The following SYNE3 variants were observed in gnomAD, a reference collection of about 807,000 sequenced individuals.
SYNE3 encodes nesprin-3.
In SYNE3, 100 loss-of-function variants were observed where a neutral mutation model predicts 111.2. The observed-to-expected ratio is 0.90, with a 90% CI of 0.77 to 1.06. The LOEUF is 1.06. Among genes scored for constraint, SYNE3 ranks in the 50% least tolerant of loss-of-function variants. The pLI is 0.00. For synonymous variants in SYNE3, 547 were observed against 533.9 expected (o/e 1.02, Z -0.34); for missense variants, 1,160 against 1,240.3 (o/e 0.94, Z 0.97).
At chr14:95,427,900 A>C (rs1025723411) in intron 17 of SYNE3, among the ~76,000 whole-genome samples, 4 of 152,190 alleles carry the variant, frequency 2.6e-5, no homozygotes, top group African/African-American at 9.7e-5. Flanking sequence ...GTTCCCTACA[A>C]ATTTTGAGAG....
intron 1 of SYNE3, among the ~76,000 whole-genome samples, chr14:95,497,857 A>G (rs534837512): frequency 2.4e-4 from 37 of 152,160 alleles, no homozygotes; most frequent in Non-Finnish European, 4.7e-4. Flanking sequence ...AAACTGTCAA[A>G]AAAAGATGAA....
chr14:95,491,744 A>C (rs1889860425), intron 1 of SYNE3, among the ~76,000 whole-genome samples: 2 of 150,848 alleles, frequency 1.3e-5, no homozygotes, highest in African/African-American at 2.5e-5. Context: ...ATCAAAATTA[A>C]AACTTTTGTA....
At chr14:95,444,101 A>G (rs1310480630) in intron 10 of SYNE3, 5 of 266,280 alleles carry the variant, frequency 1.9e-5, no homozygotes, top group Non-Finnish European at 3.5e-5. Context: ...AACAATGATC[A>G]ACGGTCAGCC....
chr14:95,429,547 T>C (rs560750697), intron 17 of SYNE3, among the ~76,000 whole-genome samples: 1 of 152,330 alleles, frequency 6.6e-6, no homozygotes, highest in East Asian at 1.9e-4. Context: ...GTCCTATAAA[T>C]GAGCCACAGA....
At chr14:95,476,349 C>T (rs1888890104) in intron 1 of SYNE3, among the ~76,000 whole-genome samples, 1 of 152,214 alleles carries the variant, frequency 6.6e-6, no homozygotes, top group African/African-American at 2.4e-5. Flanking sequence ...TCATGCCATC[C>T]CCACCACTCC....
At chr14:95,443,945 G>C (rs565439068) in intron 10 of SYNE3, 1 of 153,474 alleles carries the variant, frequency 6.5e-6, no homozygotes, top group Non-Finnish European at 1.5e-5. Flanking sequence ...TTACAGGCGT[G>C]AGCCACCGCT....
chr14:95,432,038 C>A, intron 17 of SYNE3, 41 bp downstream of exon 17: 1 of 1,602,328 alleles, frequency 6.2e-7, no homozygotes, highest in Non-Finnish European at 8.5e-7. Flanking sequence ...CTCCAGGCAC[C>A]CTGCCTGCTA....
At chr14:95,444,315 G>T in intron 10 of SYNE3, 170 bp downstream of exon 10, 1 of 846,652 alleles carries the variant, frequency 1.2e-6, no homozygotes, top group Non-Finnish European at 1.7e-6. Flanking sequence ...GGAACCATCA[G>T]ATAAATAAGC....
chr14:95,443,409 G>A (rs563041159), intron 10 of SYNE3, 120 bp from the exon 11 acceptor site: 1 of 1,307,480 alleles, frequency 7.6e-7, no homozygotes, highest in Non-Finnish European at 1.0e-6. Context: ...CCAAGGCGGT[G>A]GGGCTCTTTC....
rs144670824 is a variant in SYNE3, at chr14:95,493,641, T to C, written c.-14-17806A>G. On this transcript the variant is annotated intron_variant, in intron 1 of 17. Coordinates refer to ENST00000682763, the MANE Select transcript of SYNE3 (RefSeq NM_152592.6). ...AGATGCTGAATGCAGCCCCATGGGA[T>C]GGGCAAAATGCCTGCCTGGGAGAAG... Among the ~76,000 whole-genome samples the C allele has an allele frequency of 8.0e-3, 1,219 of 152,356 alleles. 5 individuals carry two copies. Among genetic ancestry groups the C allele is most frequent in the Middle Eastern group, 0.041 (12 of 294 alleles).
At chr14:95,450,257 G>C in intron 7 of SYNE3, 152 bp from the exon 8 acceptor site, 1 of 863,112 alleles carries the variant, frequency 1.2e-6, no homozygotes, top group Non-Finnish European at 1.7e-6. Flanking sequence ...GTCTGCAGCA[G>C]TAGACAGAAG....
intron 1 of SYNE3, among the ~76,000 whole-genome samples, chr14:95,492,758 G>A (rs1164631846): frequency 6.6e-6 from 1 of 152,124 alleles, no homozygotes. Context: ...GCTCATGCCT[G>A]TAATCCCTAC....
intron 4 of SYNE3, among the ~76,000 whole-genome samples, chr14:95,461,379 C>T (rs1887805999): frequency 6.6e-6 from 1 of 152,190 alleles, no homozygotes. Context: ...CAAACAAGCC[C>T]CTCCCCGCAG....
chr14:95,501,621 G>A (rs897507118), intron 1 of SYNE3, among the ~76,000 whole-genome samples: 3 of 152,198 alleles, frequency 2.0e-5, no homozygotes, highest in African/African-American at 7.2e-5. Flanking sequence ...GCAGGGGCAG[G>A]AGAAACTCCA....
At chr14:95,429,870 G>A (rs11160246) in intron 17 of SYNE3, 407,107 of 916,462 alleles carry the variant, frequency 0.44, 93,885 homozygotes, top group African/African-American at 0.71. Context: ...GGACATGTGC[G>A]CTCTGGTCCC....
chr14:95,482,294 C>A (rs144325715), intron 1 of SYNE3, among the ~76,000 whole-genome samples: 8,214 of 152,150 alleles, frequency 0.054, 470 homozygotes, highest in Admixed American at 0.19. Context: ...ATTAGCCAGG[C>A]GTGATAGCGT....
At chr14:95,454,506 C>T (rs1375567459) in intron 6 of SYNE3, among the ~76,000 whole-genome samples, 3 of 152,278 alleles carry the variant, frequency 2.0e-5, no homozygotes, top group African/African-American at 4.8e-5. Context: ...CACTGTGCCA[C>T]ACCACCTCCA....
intron 4 of SYNE3, among the ~76,000 whole-genome samples, chr14:95,459,987 C>T (rs1887688555): frequency 6.6e-6 from 1 of 151,368 alleles, no homozygotes; most frequent in South Asian, 2.1e-4. Context: ...GTCCCAGCTA[C>T]TTGGGAGGCT....
In SYNE3 at chr14:95,484,584, G is replaced by A. The variant is rs371594183; in HGVS notation, c.-14-8749C>T. Among the ~76,000 whole-genome samples, 48 of 152,370 alleles carry A rather than the reference G, an allele frequency of 3.2e-4. No individual in the cohort carries two copies. In the East Asian group the frequency reaches 7.1e-3, roughly 23 times the overall value. On this transcript the variant is annotated intron_variant, in intron 1 of 17. Transcript: ENST00000682763. ...CCTGGCTGGAACATTGAGTGCCATG[G>A]GCCACTGGTGTGTGGACAAGCCAGT...
Sources: gnomAD v4.1 joint callset for allele counts (sites outside exome capture counted in the v4.1 genomes callset) on GRCh38, gnomAD v4.1.1 for gene constraint, MANE v1.5 for transcripts, NCBI Gene and HGNC (gene_info 2026-07-23, HGNC 2026-07-21) for gene names.